The following AKAP7 variants were observed in gnomAD, a reference collection of about 807,000 sequenced individuals.
AKAP7 encodes A kinase (PRKA) anchor protein 7.
Under a neutral mutation model 39.5 loss-of-function variants are expected in AKAP7, and 39 were observed. The observed-to-expected ratio is 0.99, with a 90% CI of 0.76 to 1.29. The LOEUF (loss-of-function observed/expected upper bound fraction) is 1.29, where lower values mean the gene tolerates loss of function less well. AKAP7 is among the 50% of genes most tolerant of loss of function. The pLI is 0.00. For missense variants in AKAP7, 414 were observed against 407.7 expected (o/e 1.02, Z -0.13); for synonymous variants, 140 against 139.1 (o/e 1.01, Z -0.05).
At chr6:131,222,185 G>T (rs546541307) in intron 7 of AKAP7, among the ~76,000 whole-genome samples, 4 of 152,254 alleles carry the variant, frequency 2.6e-5, no homozygotes, top group Admixed American at 2.0e-4. Context: ...ACTTTGAGAA[G>T]AGATTCAAGA....
At chr6:131,171,275 G>A (rs1179682468) in intron 5 of AKAP7, among the ~76,000 whole-genome samples, 1 of 152,154 alleles carries the variant, frequency 6.6e-6, no homozygotes, top group Non-Finnish European at 1.5e-5. Context: ...GTAGCTAGAG[G>A]CAGAGGCACA....
In AKAP7 at chr6:131,162,012, AG is replaced by A. The variant is rs1207392126; in HGVS notation, c.291+1816del. ...AACACCTCTGGGTGTCACTTTCCCT[AG>A]GCCGCTCATTTTCTGCTTCTCCCTT... On this transcript the variant is annotated intron_variant, in intron 3 of 7. Coordinates refer to ENST00000431975, the MANE Select transcript of AKAP7 (RefSeq NM_016377.4). Among the ~76,000 whole-genome samples, 81 of 152,170 alleles carry A rather than the reference AG, an allele frequency of 5.3e-4. 1 individual carries two copies. The highest frequency in any genetic ancestry group is 1.9e-4 in the Non-Finnish European group (13 of 68,030).
the AKAP7 span, among the ~76,000 whole-genome samples, chr6:131,129,086 G>A: frequency 5.3e-5 from 8 of 151,700 alleles, no homozygotes; most frequent in Non-Finnish European, 1.0e-4. Flanking sequence ...CAGGAGTTCG[G>A]GACCAGCCTA....
chr6:131,133,950 A>G (rs1371320036), upstream of AKAP7, among the ~76,000 whole-genome samples: 3 of 152,116 alleles, frequency 2.0e-5, no homozygotes, highest in African/African-American at 7.2e-5. Flanking sequence ...TCTTTCTGGT[A>G]TGGGTGAGTG....
chr6:131,246,320 A>G (rs1812001003), intron 7 of AKAP7, among the ~76,000 whole-genome samples: 1 of 152,190 alleles, frequency 6.6e-6, no homozygotes, highest in Non-Finnish European at 1.5e-5. Flanking sequence ...CCAAAATATG[A>G]TAGCAAATAT....
intron 7 of AKAP7, among the ~76,000 whole-genome samples, chr6:131,257,264 T>C (rs567333250): frequency 6.6e-6 from 1 of 150,674 alleles, no homozygotes; most frequent in East Asian, 2.0e-4. Flanking sequence ...AAAAATTAAC[T>C]GGGTGTGATA....
At chr6:131,234,460 G>C (rs187259344) in intron 7 of AKAP7, among the ~76,000 whole-genome samples, 9 of 152,264 alleles carry the variant, frequency 5.9e-5, no homozygotes, top group Admixed American at 5.2e-4. Context: ...AACTGAAAAT[G>C]AGAATGTTCA....
At chr6:131,137,159 G>A (rs534602493) in intron 1 of AKAP7, among the ~76,000 whole-genome samples, 13 of 151,828 alleles carry the variant, frequency 8.6e-5, no homozygotes, top group Non-Finnish European at 1.9e-4. Flanking sequence ...GTAGAGACGG[G>A]GTCTTGCCAT....
chr6:131,158,761 C>G (rs1264271722), intron 2 of AKAP7, among the ~76,000 whole-genome samples: 1 of 152,140 alleles, frequency 6.6e-6, no homozygotes, highest in Non-Finnish European at 1.5e-5. Context: ...CCTGCTTCAG[C>G]CTCCCAAAGT....
At chr6:131,267,130 T>A (rs748979123) in intron 7 of AKAP7, among the ~76,000 whole-genome samples, 2 of 152,212 alleles carry the variant, frequency 1.3e-5, no homozygotes, top group Non-Finnish European at 2.9e-5. Context: ...TGAATAATTT[T>A]AAAAAATATT....
chr6:131,187,633 G>A (rs1166072387), intron 5 of AKAP7, among the ~76,000 whole-genome samples: 3 of 152,112 alleles, frequency 2.0e-5, no homozygotes, highest in Non-Finnish European at 4.4e-5. Flanking sequence ...AGGTCTTTGA[G>A]GGAATCTTCC....
chr6:131,195,335 T>G (rs1396985032), intron 5 of AKAP7, among the ~76,000 whole-genome samples: 3 of 152,140 alleles, frequency 2.0e-5, no homozygotes, highest in Admixed American at 2.0e-4. Flanking sequence ...ACACCTTAAC[T>G]TTGTCTTCTC....
At chr6:131,224,833 C>A (rs1810026645) in intron 7 of AKAP7, among the ~76,000 whole-genome samples, 1 of 148,186 alleles carries the variant, frequency 6.7e-6, no homozygotes, top group South Asian at 2.2e-4. Flanking sequence ...CCTCTACAAC[C>A]TCCACCTCCT....
chr6:131,197,076 C>T (rs1807010202), intron 5 of AKAP7, among the ~76,000 whole-genome samples: 1 of 151,772 alleles, frequency 6.6e-6, no homozygotes, highest in African/African-American at 2.4e-5. Context: ...TTTTATATTC[C>T]AGAGAATCAT....
intron 2 of AKAP7, among the ~76,000 whole-genome samples, chr6:131,148,074 C>T (rs902992270): frequency 1.3e-5 from 2 of 152,188 alleles, no homozygotes; most frequent in Admixed American, 6.5e-5. Context: ...GCTCTGAAAG[C>T]AACAGCTGTT....
At chr6:131,134,232 A>G (rs7768655), upstream of AKAP7, among the ~76,000 whole-genome samples, 24,963 of 152,098 alleles carry the variant, frequency 0.16, 3,046 homozygotes, top group East Asian at 0.57. Context: ...TTGACCTCCC[A>G]AAGTGTTGGG....
Position 131,282,612 on chromosome 6 carries a change from A to G in AKAP7, c.*886A>G, listed in dbSNP as rs908523566. ...AGCACAACTTTGACATAAGCTCTACATTGCGATTGTGACAACATAGCTTAT... is the reference window on the plus strand; with the variant it reads ...AGCACAACTTTGACATAAGCTCTACGTTGCGATTGTGACAACATAGCTTAT... On this transcript the variant is annotated 3_prime_UTR_variant, in exon 8 of 8. Transcript: ENST00000431975. The G allele has an allele frequency of 1.4e-5, 21 of 1,527,328 alleles. No homozygotes were observed. The highest frequency in any genetic ancestry group is 1.8e-5 in the Non-Finnish European group (20 of 1,139,950). The allele number at this position is 1,527,328 out of a possible 1,614,324, so 94.6% of individuals were successfully genotyped here. A position where few individuals can be genotyped will look rare whatever the true frequency, so the allele number is the denominator to read the frequency against.
chr6:131,211,840 A>ATAGGGTTTATGATAGGGTTTATGATAGG (rs1302108108), intron 6 of AKAP7, among the ~76,000 whole-genome samples: 3 of 151,952 alleles, frequency 2.0e-5, no homozygotes, highest in Non-Finnish European at 4.4e-5. Context: ...GATGTTCCTC[A>ATAGGGTTTATGATAGGGTTTATGATAGG]GTTTATGATA....
intron 6 of AKAP7, among the ~76,000 whole-genome samples, chr6:131,214,541 G>C (rs1447163295): frequency 6.6e-6 from 1 of 152,168 alleles, no homozygotes; most frequent in East Asian, 1.9e-4. Context: ...TATTGTACCT[G>C]ATTATTTGGA....
Sources: gnomAD v4.1 joint callset for allele counts (sites outside exome capture counted in the v4.1 genomes callset) on GRCh38, gnomAD v4.1.1 for gene constraint, MANE v1.5 for transcripts, NCBI Gene and HGNC (gene_info 2026-07-23, HGNC 2026-07-21) for gene names.